SPAG16: variants seen among roughly 807,000 people sequenced by gnomAD.
The protein encoded by SPAG16 is sperm associated antigen 16.
SPAG16 carries 86 observed loss-of-function variants against 80.4 expected under a neutral mutation model. The observed-to-expected ratio is 1.07, with a 90% CI of 0.90 to 1.28. The LOEUF (loss-of-function observed/expected upper bound fraction) is 1.28. SPAG16 is among the 50% of genes most tolerant of loss of function. The pLI, the probability that SPAG16 is intolerant of heterozygous loss-of-function variation, is 0.00. For synonymous variants in SPAG16, 294 were observed against 265.9 expected (o/e 1.11, Z -1.03); for missense variants, 870 against 765.3 (o/e 1.14, Z -1.61).
At chr2:214,172,508 C>T (rs759006780) in intron 15 of SPAG16, among the ~76,000 whole-genome samples, 1 of 152,086 alleles carries the variant, frequency 6.6e-6, no homozygotes, top group Middle Eastern at 3.2e-3. Context: ...CATTGACGGA[C>T]ATTTGGGTTG....
intron 10 of SPAG16, among the ~76,000 whole-genome samples, chr2:213,782,866 T>C (rs895606280): frequency 2.0e-5 from 3 of 152,194 alleles, no homozygotes; most frequent in Middle Eastern, 3.2e-3. Context: ...AAGCAAACTT[T>C]CATTATCTCA....
chr2:213,700,982 CT>C (rs996546479), intron 10 of SPAG16, among the ~76,000 whole-genome samples: 5 of 152,096 alleles, frequency 3.3e-5, no homozygotes, highest in South Asian at 4.2e-4. Context: ...TGGCTCATGC[CT>C]GTAATCCCAG....
At chr2:213,285,971 A>T in intron 1 of SPAG16, 1 of 1,198,528 alleles carries the variant, frequency 8.3e-7, no homozygotes, top group Non-Finnish European at 1.1e-6. Flanking sequence ...CCGTGAACAC[A>T]TAGTTTAATT....
chr2:213,401,391 A>G (rs921515071), intron 9 of SPAG16, among the ~76,000 whole-genome samples: 1 of 152,178 alleles, frequency 6.6e-6, no homozygotes, highest in Non-Finnish European at 1.5e-5. Context: ...TTGCTGTTTC[A>G]AATAATTCTA....
At chr2:214,119,001 A>G (rs2112013) in intron 14 of SPAG16, among the ~76,000 whole-genome samples, 32,084 of 152,088 alleles carry the variant, frequency 0.21, 3,771 homozygotes, top group Middle Eastern at 0.27. Flanking sequence ...AGAAATGACA[A>G]GTGTTTGAGG....
At chr2:214,012,278 A>ATTT (rs1559689715) in intron 12 of SPAG16, among the ~76,000 whole-genome samples, 5 of 45,084 alleles carry the variant, frequency 1.1e-4, no homozygotes, top group African/African-American at 5.1e-4. Context: ...ATATATATAT[A>ATTT]TATATATATA....
chr2:214,375,433 A>G (rs1202664575), intron 15 of SPAG16, among the ~76,000 whole-genome samples: 2 of 152,212 alleles, frequency 1.3e-5, no homozygotes, highest in East Asian at 3.9e-4. Flanking sequence ...TCAGTTTATT[A>G]TCTGAGACTA....
chr2:214,268,575 C>G (rs1691758881), intron 15 of SPAG16, among the ~76,000 whole-genome samples: 1 of 151,862 alleles, frequency 6.6e-6, no homozygotes, highest in Non-Finnish European at 1.5e-5. Context: ...GTAGGACCAA[C>G]CATGTCATCC....
At chr2:213,553,244 A>G (rs2076839334) in intron 10 of SPAG16, among the ~76,000 whole-genome samples, 1 of 152,162 alleles carries the variant, frequency 6.6e-6, no homozygotes, top group African/African-American at 2.4e-5. Flanking sequence ...AAACCAAAAT[A>G]CCCCAGAAGC....
At chr2:213,903,954 T>A (rs1014379091) in intron 11 of SPAG16, among the ~76,000 whole-genome samples, 1 of 152,162 alleles carries the variant, frequency 6.6e-6, no homozygotes, top group East Asian at 1.9e-4. Context: ...TGCTAAAACA[T>A]AACAAGAGTC....
chr2:213,419,493 C>T (rs1412362945), intron 9 of SPAG16, among the ~76,000 whole-genome samples: 1 of 152,100 alleles, frequency 6.6e-6, no homozygotes, highest in Non-Finnish European at 1.5e-5. Context: ...AAAAGGATCA[C>T]ATGCTGAGAT....
At chr2:214,400,431 T>C (rs1055317335) in intron 15 of SPAG16, among the ~76,000 whole-genome samples, 4 of 152,018 alleles carry the variant, frequency 2.6e-5, no homozygotes, top group Admixed American at 2.6e-4. Flanking sequence ...CAACTATTTA[T>C]GTAGCATTTA....
intron 12 of SPAG16, among the ~76,000 whole-genome samples, chr2:213,969,627 C>T (rs2044907657): frequency 6.6e-6 from 1 of 152,182 alleles, no homozygotes; most frequent in Non-Finnish European, 1.5e-5. Flanking sequence ...TCATCAAATA[C>T]TGAATTTACT....
chr2:214,314,673 C>T (rs1559205552), intron 15 of SPAG16, among the ~76,000 whole-genome samples: 1 of 152,072 alleles, frequency 6.6e-6, no homozygotes, highest in Non-Finnish European at 1.5e-5. Flanking sequence ...TTAATAAAGG[C>T]ATGGGCAGGA....
Position 213,466,020 on chromosome 2 carries a change from A to G in SPAG16, c.943-23943A>G, listed in dbSNP as rs936711002. 5.3e-5 allele frequency among the ~76,000 whole-genome samples: 8 copies of G among 152,266 alleles called. No homozygotes were observed. The East Asian group carries it at 1.2e-3, about 22-fold the overall frequency. ...ATAAGCTGCCAGCATGGCTAGAATA[A>G]AAGCAGACAGAAGAATGGAAAAGAC... On this transcript the variant is annotated intron_variant, in intron 9 of 15. Transcript: ENST00000331683.
chr2:213,795,401 C>T (rs1178403452), intron 10 of SPAG16, among the ~76,000 whole-genome samples: 1 of 152,190 alleles, frequency 6.6e-6, no homozygotes, highest in Non-Finnish European at 1.5e-5. Flanking sequence ...TTTATGTCTT[C>T]CCATCAGTGG....
intron 13 of SPAG16, among the ~76,000 whole-genome samples, chr2:214,043,591 GA>G (rs942416834): frequency 6.6e-6 from 1 of 152,076 alleles, no homozygotes; most frequent in African/African-American, 2.4e-5. Context: ...TGGAAATGGG[GA>G]AAAAACTCAG....
intron 9 of SPAG16, among the ~76,000 whole-genome samples, chr2:213,387,431 CT>C (rs71060428): frequency 2.1e-3 from 101 of 47,878 alleles, no homozygotes; most frequent in Middle Eastern, 0.014. Context: ...AATGCATGCT[CT>C]TTTTTTTTTT....
At chr2:214,292,653 A>T (rs1386300925) in intron 15 of SPAG16, among the ~76,000 whole-genome samples, 1 of 151,794 alleles carries the variant, frequency 6.6e-6, no homozygotes, top group East Asian at 1.9e-4. Context: ...GAATTCATGG[A>T]TTTATTTTGA....
Sources: gnomAD v4.1 joint callset for allele counts (sites outside exome capture counted in the v4.1 genomes callset) on GRCh38, gnomAD v4.1.1 for gene constraint, MANE v1.5 for transcripts, NCBI Gene and HGNC (gene_info 2026-07-23, HGNC 2026-07-21) for gene names.